The following SGCG variants were observed in gnomAD, a reference collection of about 807,000 sequenced individuals.
The protein encoded by SGCG is sarcoglycan gamma.
SGCG carries 26 observed loss-of-function variants against 29.3 expected under a neutral mutation model. That is an observed-to-expected ratio of 0.89 (90% confidence interval 0.65 to 1.23). The LOEUF (loss-of-function observed/expected upper bound fraction) is 1.23, where lower values mean the gene tolerates loss of function less well. Ranked by LOEUF, SGCG falls within the 50% of genes most tolerant of loss-of-function variation. SGCG has a pLI of 0.00. For synonymous variants in SGCG, 145 were observed against 129.7 expected (o/e 1.12, Z -0.80); for missense variants, 353 against 356.0 (o/e 0.99, Z 0.07).
chr13:23,308,474 A>G (rs940187761), intron 6 of SGCG, among the ~76,000 whole-genome samples: 1 of 152,106 alleles, frequency 6.6e-6, no homozygotes, highest in South Asian at 2.1e-4. Context: ...TCTCCCTAAT[A>G]GCTGTACAAT....
At chr13:23,187,085 A>G (rs1288867488) in intron 1 of SGCG, among the ~76,000 whole-genome samples, 1 of 152,140 alleles carries the variant, frequency 6.6e-6, no homozygotes, top group Non-Finnish European at 1.5e-5. Context: ...CCTTGCCAAG[A>G]GGAGGCCTAG....
intron 2 of SGCG, among the ~76,000 whole-genome samples, chr13:23,210,669 C>A (rs1215084210): frequency 1.3e-5 from 2 of 152,046 alleles, no homozygotes; most frequent in African/African-American, 2.4e-5. Flanking sequence ...CCAGCCTGGG[C>A]GACAGAGCAA....
intron 4 of SGCG, among the ~76,000 whole-genome samples, chr13:23,263,402 C>CA (rs770147980): frequency 9.2e-5 from 14 of 151,944 alleles, no homozygotes; most frequent in Non-Finnish European, 1.9e-4. Flanking sequence ...TTCCTGGAAA[C>CA]AAACAACTCC....
chr13:23,270,314 G>A (rs180718535), intron 4 of SGCG, among the ~76,000 whole-genome samples: 1 of 152,314 alleles, frequency 6.6e-6, no homozygotes, highest in Admixed American at 6.5e-5. Context: ...CGGCGGTGTA[G>A]GAGAGTATAT....
At chr13:23,264,972 A>C (rs1390126849) in intron 4 of SGCG, among the ~76,000 whole-genome samples, 1 of 152,214 alleles carries the variant, frequency 6.6e-6, no homozygotes, top group African/African-American at 2.4e-5. Context: ...GAAATCATAA[A>C]AATTCTAGAA....
chr13:23,200,149 G>A (rs539794888), intron 1 of SGCG, among the ~76,000 whole-genome samples: 9 of 152,308 alleles, frequency 5.9e-5, no homozygotes, highest in Admixed American at 1.3e-4. Context: ...TTGGCCGGGC[G>A]TGGTGGTGCA....
chr13:23,245,396 T>C (rs570257744), intron 3 of SGCG: 2 of 152,266 alleles, frequency 1.3e-5, no homozygotes, highest in South Asian at 4.1e-4. Flanking sequence ...AATTGACTTA[T>C]GTGAGGGTTC....
intron 5 of SGCG, 144 bp downstream of exon 5, chr13:23,279,622 T>G (rs1321541915): frequency 2.5e-6 from 2 of 802,264 alleles, no homozygotes; most frequent in Non-Finnish European, 4.1e-6. Context: ...GCATTTCTGT[T>G]GAACTCCCTC....
At chr13:23,304,534 A>G (rs190194586) in intron 6 of SGCG, among the ~76,000 whole-genome samples, 6 of 151,980 alleles carry the variant, frequency 3.9e-5, no homozygotes, top group Middle Eastern at 3.4e-3. Flanking sequence ...TGCAATTGTA[A>G]TTCTATTGCA....
intron 6 of SGCG, among the ~76,000 whole-genome samples, chr13:23,296,055 G>A (rs7986587): frequency 0.38 from 57,804 of 152,214 alleles, 12,044 homozygotes; most frequent in Non-Finnish European, 0.46. Flanking sequence ...TAATTGAGAT[G>A]CTACAGGTTT....
chr13:23,257,847 A>T lies in SGCG; in HGVS notation c.385+7130A>T, dbSNP rs553018871. Among the ~76,000 whole-genome samples the T allele has an allele frequency of 1.6e-3, 247 of 152,310 alleles. 1 individual carries two copies. Among genetic ancestry groups the T allele is most frequent in the Middle Eastern group, 0.014 (4 of 294 alleles). ...GTTTTTGTCAGGTTTGTCAAAGATC[A>T]GATGGTTGTAGATAAGCGGCGTTAT... On this transcript the variant is annotated intron_variant, in intron 4 of 7. Transcript: ENST00000218867.
intron 6 of SGCG, among the ~76,000 whole-genome samples, chr13:23,301,545 G>A (rs1480925866): frequency 6.6e-6 from 1 of 152,122 alleles, no homozygotes; most frequent in Non-Finnish European, 1.5e-5. Flanking sequence ...TAGGCATCGC[G>A]ATATTAATAG....
At chr13:23,262,348 G>A (rs1182420244) in intron 4 of SGCG, among the ~76,000 whole-genome samples, 1 of 151,920 alleles carries the variant, frequency 6.6e-6, no homozygotes, top group African/African-American at 2.4e-5. Context: ...GTGAGAATGA[G>A]TAGCTATTCT....
At chr13:23,252,739 T>C (rs542661470) in intron 4 of SGCG, among the ~76,000 whole-genome samples, 2 of 152,118 alleles carry the variant, frequency 1.3e-5, no homozygotes, top group African/African-American at 2.4e-5. Context: ...TTAGTACAAG[T>C]ACACATTCCT....
At chr13:23,249,234 C>G (rs1325075083) in intron 3 of SGCG, among the ~76,000 whole-genome samples, 1 of 152,140 alleles carries the variant, frequency 6.6e-6, no homozygotes, top group Non-Finnish European at 1.5e-5. Flanking sequence ...CTGGAGACAT[C>G]AGAGTTGTGA....
chr13:23,248,851 C>T lies in SGCG; in HGVS notation c.298-1779C>T, dbSNP rs538641108. 1.9e-3 allele frequency among the ~76,000 whole-genome samples: 291 copies of T among 151,102 alleles called. 2 individuals carry two copies. Among genetic ancestry groups the T allele is most frequent in the African/African-American group, 6.7e-3 (275 of 41,122 alleles). ...ACTAAAACTACCAAAAATTAGGGGGCGTGGTGGCGGGCACCTGTAGTCCCA... is the reference window on the plus strand; with the variant it reads ...ACTAAAACTACCAAAAATTAGGGGGTGTGGTGGCGGGCACCTGTAGTCCCA... On this transcript the variant is annotated intron_variant, in intron 3 of 7. Transcript: ENST00000218867.
At chr13:23,318,192 TGTC>T (rs1882900657) in intron 6 of SGCG, among the ~76,000 whole-genome samples, 9 of 150,570 alleles carry the variant, frequency 6.0e-5, no homozygotes, top group Non-Finnish European at 1.2e-4. Context: ...CTACTAGTTA[TGTC>T]CTACTATAAC....
intron 6 of SGCG, among the ~76,000 whole-genome samples, chr13:23,307,522 C>T (rs1309147992): frequency 1.3e-5 from 2 of 152,052 alleles, no homozygotes; most frequent in Admixed American, 6.6e-5. Context: ...GGGATGGTGC[C>T]AGCACTGGCT....
chr13:23,278,246 C>T (rs1242125960), intron 4 of SGCG, among the ~76,000 whole-genome samples: 1 of 151,938 alleles, frequency 6.6e-6, no homozygotes, highest in Non-Finnish European at 1.5e-5. Context: ...GAGTTCGAGA[C>T]AAACCTGGCC....
Sources: gnomAD v4.1 joint callset for allele counts (sites outside exome capture counted in the v4.1 genomes callset) on GRCh38, gnomAD v4.1.1 for gene constraint, MANE v1.5 for transcripts, NCBI Gene and HGNC (gene_info 2026-07-23, HGNC 2026-07-21) for gene names.